Variants in TLR6 observed in about 807,000 individuals in gnomAD.
TLR6 encodes toll like receptor 6.
Under a neutral mutation model 16.1 loss-of-function variants are expected in TLR6, and 9 were observed. That is an observed-to-expected ratio of 0.56 (90% confidence interval 0.34 to 0.98). The LOEUF is 0.98. Ranked by LOEUF, TLR6 falls within the 50% of genes least tolerant of loss-of-function variation. The pLI is 0.02. For missense variants in TLR6, 786 were observed against 921.0 expected (o/e 0.85, Z 1.90); for synonymous variants, 340 against 338.6 (o/e 1.00, Z -0.04).
At chr4:38,860,514 A>G (rs899203729), upstream of TLR6, among the ~76,000 whole-genome samples, 1 of 145,166 alleles carries the variant, frequency 6.9e-6, no homozygotes, top group Non-Finnish European at 1.5e-5. Context: ...TTGATAGTAA[A>G]CCTAAACTTC....
chr4:38,848,928 A>C (rs1477449923), intron 1 of TLR6, among the ~76,000 whole-genome samples: 1 of 152,310 alleles, frequency 6.6e-6, no homozygotes, highest in South Asian at 2.1e-4. Context: ...AATACAGAGA[A>C]CACCACAAAG....
At chr4:38,827,416 T>C (rs1261071894) in exon 2 of TLR6, 2 of 1,614,232 alleles carry the variant, frequency 1.2e-6, no homozygotes, top group Non-Finnish European at 1.7e-6. Context: ...TGATGATATT[T>C]TCCACAATGC....
intron 1 of TLR6, among the ~76,000 whole-genome samples, chr4:38,831,294 A>G (rs75627700): frequency 3.3e-4 from 9 of 26,982 alleles, no homozygotes; most frequent in African/African-American, 1.6e-3. Context: ...CTCCACATGC[A>G]AAAAAAAAAA....
chr4:38,833,256 A>G (rs545569484), intron 1 of TLR6, among the ~76,000 whole-genome samples: 46 of 152,306 alleles, frequency 3.0e-4, no homozygotes, highest in African/African-American at 1.0e-3. Flanking sequence ...TCAAGGACCC[A>G]TCACCACGAG....
At chr4:38,824,181 GTTT>G (rs1727441762) in exon 2 of TLR6, 1 of 152,058 alleles carries the variant, frequency 6.6e-6, no homozygotes, top group African/African-American at 2.4e-5. Context: ...CATCCCACGA[GTTT>G]TTACTGCGCA....
chr4:38,829,413 T>C, exon 2 of TLR6: 1 of 1,614,096 alleles, frequency 6.2e-7, no homozygotes, highest in Non-Finnish European at 8.5e-7. Flanking sequence ...GTTCCAACTA[T>C]TATGATCATA....
the TLR6 span, among the ~76,000 whole-genome samples, chr4:38,865,158 T>A: frequency 6.6e-6 from 1 of 152,170 alleles, no homozygotes; most frequent in East Asian, 1.9e-4. Context: ...CTAAAATAAA[T>A]ACTGCAAAAA....
intron 1 of TLR6, among the ~76,000 whole-genome samples, chr4:38,840,559 G>A (rs922109082): frequency 4.6e-5 from 7 of 151,946 alleles, no homozygotes; most frequent in South Asian, 2.1e-4. Context: ...GCTTAAACCC[G>A]GGAGGTGGAG....
chr4:38,848,173 G>A (rs928856988), intron 1 of TLR6, among the ~76,000 whole-genome samples: 3 of 152,196 alleles, frequency 2.0e-5, no homozygotes, highest in Non-Finnish European at 4.4e-5. Flanking sequence ...AGTCAAACAG[G>A]GTCTGGAGTG....
At chr4:38,828,132 A>G (rs952664721) in exon 2 of TLR6, 1 of 1,614,094 alleles carries the variant, frequency 6.2e-7, no homozygotes, top group African/African-American at 1.3e-5. Flanking sequence ...CTGGGAGGTA[A>G]ACATCTGAAA....
chr4:38,842,277 TGGAA>T (rs1712300579), intron 1 of TLR6, among the ~76,000 whole-genome samples: 3 of 152,174 alleles, frequency 2.0e-5, no homozygotes, highest in African/African-American at 7.2e-5. Flanking sequence ...AGATGAGGAC[TGGAA>T]TGAGGCTATA....
intron 1 of TLR6, among the ~76,000 whole-genome samples, chr4:38,855,211 CAAA>C (rs3042439): frequency 9.2e-6 from 1 of 108,750 alleles, no homozygotes. Flanking sequence ...GACTCCGTCT[CAAA>C]AAAAAAAAAA....
At chr4:38,840,225 G>C (rs1174181746) in intron 1 of TLR6, among the ~76,000 whole-genome samples, 2 of 152,236 alleles carry the variant, frequency 1.3e-5, no homozygotes, top group Non-Finnish European at 2.9e-5. Context: ...GTCTGCACTG[G>C]CATTCCTTCT....
At chr4:38,823,196 A>T (rs777827779), downstream of TLR6, among the ~76,000 whole-genome samples, 9 of 152,252 alleles carry the variant, frequency 5.9e-5, 1 homozygote, top group Non-Finnish European at 1.3e-4. Context: ...AACCCACATC[A>T]GTGCCCTATA....
At chr4:38,833,823 G>T (rs1298087209) in intron 1 of TLR6, among the ~76,000 whole-genome samples, 2 of 152,128 alleles carry the variant, frequency 1.3e-5, no homozygotes, top group Admixed American at 6.5e-5. Flanking sequence ...TTTATGATCT[G>T]AGTCAGAAAT....
At chr4:38,854,200 A>G (rs1712875970) in intron 1 of TLR6, among the ~76,000 whole-genome samples, 1 of 152,236 alleles carries the variant, frequency 6.6e-6, no homozygotes, top group Admixed American at 6.5e-5. Flanking sequence ...ACGTTAAATC[A>G]AAAAAGCACA....
intron 1 of TLR6, among the ~76,000 whole-genome samples, chr4:38,835,112 G>A (rs1467775145): frequency 1.3e-5 from 2 of 152,108 alleles, no homozygotes; most frequent in African/African-American, 2.4e-5. Context: ...GAAATAAGTC[G>A]TTACCTATCA....
chr4:38,841,286 G>A (rs767018270), intron 1 of TLR6, among the ~76,000 whole-genome samples: 2 of 152,188 alleles, frequency 1.3e-5, no homozygotes, highest in Non-Finnish European at 2.9e-5. Flanking sequence ...CATTGTGTGT[G>A]TATGTGAAAA....
intron 1 of TLR6, among the ~76,000 whole-genome samples, chr4:38,855,970 C>T (rs1264789541): frequency 2.0e-5 from 3 of 151,434 alleles, no homozygotes; most frequent in Non-Finnish European, 4.4e-5. Flanking sequence ...TAGACAAGAC[C>T]TATGAAAATT....
Sources: gnomAD v4.1 joint callset for allele counts (sites outside exome capture counted in the v4.1 genomes callset) on GRCh38, gnomAD v4.1.1 for gene constraint, MANE v1.5 for transcripts, NCBI Gene and HGNC (gene_info 2026-07-23, HGNC 2026-07-21) for gene names.